Variants in SEMA3D observed in about 807,000 individuals in gnomAD.
The protein encoded by SEMA3D is semaphorin-3D.
SEMA3D carries 84 observed loss-of-function variants against 100.1 expected under a neutral mutation model. The observed-to-expected ratio is 0.84, with a 90% CI of 0.70 to 1.01. The LOEUF (loss-of-function observed/expected upper bound fraction) is 1.01, where lower values mean the gene tolerates loss of function less well. Among genes scored for constraint, SEMA3D ranks in the 50% least tolerant of loss-of-function variants. The probability of loss-of-function intolerance (pLI) is 0.00; values close to 1 mark genes in which losing one functional copy is unlikely to be tolerated. For missense variants in SEMA3D, 875 were observed against 934.1 expected, an observed-to-expected ratio of 0.94 and a Z score of 0.82; for synonymous variants, 312 against 320.7, an observed-to-expected ratio of 0.97 and a Z score of 0.29.
intron 1 of SEMA3D, among the ~76,000 whole-genome samples, chr7:85,176,122 C>G (rs921820585): frequency 2.6e-5 from 4 of 151,874 alleles, no homozygotes; most frequent in Non-Finnish European, 5.9e-5. Context: ...TTGCACATAC[C>G]TAGTGTGCAA....
chr7:85,069,818 C>G (rs1294421044), intron 6 of SEMA3D, among the ~76,000 whole-genome samples: 1 of 152,122 alleles, frequency 6.6e-6, no homozygotes. Context: ...GGAAATGATA[C>G]CAAGCCAAGC....
At chr7:85,238,145 T>G in the SEMA3D span, among the ~76,000 whole-genome samples, 12 of 152,210 alleles carry the variant, frequency 7.9e-5, no homozygotes, top group African/African-American at 2.9e-4. Flanking sequence ...AAGAGTTCTT[T>G]GTGTACTTTA....
At chr7:85,194,774 G>T in the SEMA3D span, among the ~76,000 whole-genome samples, 2 of 152,084 alleles carry the variant, frequency 1.3e-5, no homozygotes, top group African/African-American at 4.8e-5. Flanking sequence ...CAAAGATCAA[G>T]GTATCATCAG....
At chr7:85,164,695 C>T (rs771604325) in intron 1 of SEMA3D, among the ~76,000 whole-genome samples, 2 of 152,006 alleles carry the variant, frequency 1.3e-5, no homozygotes, top group Non-Finnish European at 2.9e-5. Context: ...TTTTGTGGCA[C>T]ACAAATTTTG....
chr7:85,250,207 G>A, the SEMA3D span, among the ~76,000 whole-genome samples: 7 of 150,834 alleles, frequency 4.6e-5, no homozygotes, highest in Non-Finnish European at 8.8e-5. Context: ...CACCTGGCTC[G>A]GAGGGTCCTA....
chr7:85,074,203 T>C (rs1343200161), intron 5 of SEMA3D, among the ~76,000 whole-genome samples: 1 of 152,176 alleles, frequency 6.6e-6, no homozygotes, highest in African/African-American at 2.4e-5. Flanking sequence ...AGGAAGTTGG[T>C]AACCTGAGAA....
rs372403759 is a variant in SEMA3D, at chr7:85,068,281, T to C, written c.499A>G (p.Ile167Val). 1 of 1,537,164 alleles carries C rather than the reference T, an allele frequency of 6.5e-7. No individual in the cohort carries two copies. Among genetic ancestry groups the C allele is most frequent in the Non-Finnish European group, 9.0e-7 (1 of 1,110,356 alleles). The change falls in exon 7 of 19, where the codon ATT becomes GTT. Residue 167 changes from isoleucine to valine, a missense_variant. By Grantham distance (29) the Ile-to-Val change is conservative (BLOSUM62 3). Transcript: ENST00000284136. ...YIDLGVYKED[I>V]IFKLDTHNLE... Reference sequence around the variant, plus strand: ...TTATGTGTGTCTAGTTTGAATATAATATCCTGTTATGAGAAATATTAACAC... The same window carrying C: ...TTATGTGTGTCTAGTTTGAATATAACATCCTGTTATGAGAAATATTAACAC...
At chr7:85,011,956 T>A (rs1335496396) in intron 17 of SEMA3D, among the ~76,000 whole-genome samples, 1 of 151,724 alleles carries the variant, frequency 6.6e-6, no homozygotes, top group Non-Finnish European at 1.5e-5. Flanking sequence ...TGTGCATGTG[T>A]GTGTGTTTGG....
the SEMA3D span, among the ~76,000 whole-genome samples, chr7:85,240,752 A>G: frequency 6.6e-6 from 1 of 152,132 alleles, no homozygotes; most frequent in African/African-American, 2.4e-5. Flanking sequence ...GATTCATTTC[A>G]CCCAGTCTAT....
intron 12 of SEMA3D, chr7:85,029,113 A>T: frequency 1.7e-6 from 1 of 599,638 alleles, no homozygotes; most frequent in South Asian, 1.7e-5. Context: ...GACCTTCACT[A>T]CCTACTCTGA....
chr7:85,042,168 T>TA lies in SEMA3D; in HGVS notation c.976+2dup. On this transcript the variant is annotated splice_region_variant and intron_variant, in intron 10 of 18. Transcript: ENST00000284136. ...CCAAGAAAGAAGGAAAGAAGGAACT[T>TA]ACGAAGCTCATCAAAGTAAGTATCT... 1 of 1,595,412 alleles carries TA rather than the reference T, an allele frequency of 6.3e-7. No homozygotes were observed. The highest frequency in any genetic ancestry group is 8.6e-7 in the Non-Finnish European group (1 of 1,163,332).
Position 85,019,046 on chromosome 7 carries a change from C to G in SEMA3D, c.1504-753G>C, listed in dbSNP as rs1354940733. Among the ~76,000 whole-genome samples the G allele has an allele frequency of 3.3e-5, 5 of 151,778 alleles. No individual in the cohort carries two copies. In the East Asian group the frequency reaches 7.8e-4, roughly 24 times the overall value. ...AAAAATTTCAGTGAGAAAGTTCTAT[C>G]AAATAGCATTTTTGTTATCAATTTT... On this transcript the variant is annotated intron_variant, in intron 14 of 18. Transcript: ENST00000284136.
chr7:85,119,193 G>A (rs867766320), intron 3 of SEMA3D, among the ~76,000 whole-genome samples: 20 of 152,252 alleles, frequency 1.3e-4, no homozygotes, highest in African/African-American at 4.3e-4. Context: ...TAACCATTGT[G>A]GAAGACAGTG....
At chr7:85,141,050 A>T (rs1267194951) in intron 2 of SEMA3D, 4 of 832,534 alleles carry the variant, frequency 4.8e-6, no homozygotes, top group Non-Finnish European at 5.8e-6. Flanking sequence ...CACTTTACTC[A>T]TCACTATGTT....
chr7:85,157,112 C>A lies in SEMA3D; in HGVS notation c.-172-3373G>T, dbSNP rs565371099. ...TCTCACTGTTTCTGGCACAGCCTAC[C>A]TTTTTAGTCTGTTTAAAAAAAAATA... On this transcript the variant is annotated intron_variant, in intron 1 of 18. Coordinates refer to ENST00000284136, the MANE Select transcript of SEMA3D (RefSeq NM_001384900.1). 3.9e-5 allele frequency among the ~76,000 whole-genome samples: 6 copies of A among 152,096 alleles called. No homozygotes were observed. The South Asian group carries it at 8.3e-4, about 21-fold the overall frequency.
intron 2 of SEMA3D, chr7:85,142,374 C>G: frequency 1.1e-6 from 1 of 908,724 alleles, no homozygotes; most frequent in Non-Finnish European, 1.3e-6. Flanking sequence ...ATTTATTTCT[C>G]TAGACATGAA....
At chr7:85,028,238 C>T in intron 12 of SEMA3D, 1 of 693,822 alleles carries the variant, frequency 1.4e-6, no homozygotes, top group African/African-American at 1.8e-5. Context: ...CTTGGGAAGA[C>T]TGTTACCAAT....
intron 2 of SEMA3D, among the ~76,000 whole-genome samples, chr7:85,149,688 C>T (rs1790311926): frequency 6.6e-6 from 1 of 152,080 alleles, no homozygotes; most frequent in Non-Finnish European, 1.5e-5. Flanking sequence ...ACTTACAGTG[C>T]TTCCATTCAC....
chr7:85,148,258 T>A (rs1790272103), intron 2 of SEMA3D, among the ~76,000 whole-genome samples: 2 of 152,200 alleles, frequency 1.3e-5, no homozygotes, highest in South Asian at 2.1e-4. Context: ...TTCTCTGTCA[T>A]CATATCTTGT....
Sources: allele counts gnomAD v4.1 joint callset (sites outside exome capture counted in the v4.1 genomes callset), GRCh38; gene constraint gnomAD v4.1.1; transcripts MANE v1.5; gene names NCBI Gene and HGNC (gene_info 2026-07-23, HGNC 2026-07-21).